The following NPHP4 variants were observed in gnomAD, a reference collection of about 807,000 sequenced individuals.
NPHP4 encodes the protein nephrocystin-4.
NPHP4 carries 151 observed loss-of-function variants against 155.8 expected under a neutral mutation model. The observed-to-expected ratio is 0.97, with a 90% CI of 0.85 to 1.11. The LOEUF (loss-of-function observed/expected upper bound fraction) is 1.11. NPHP4 is among the 50% of genes least tolerant of loss of function. The pLI, the probability that NPHP4 is intolerant of heterozygous loss-of-function variation, is 0.00. For missense variants in NPHP4, 1,956 were observed against 1,925.7 expected (o/e 1.02, Z -0.29); for synonymous variants, 845 against 816.8 (o/e 1.03, Z -0.59).
rs79010728 is a variant in NPHP4, at chr1:5,925,447, T to G, written c.1441+2202A>C. On this transcript the variant is annotated intron_variant, in intron 11 of 29. Coordinates refer to ENST00000378156, the MANE Select transcript of NPHP4 (RefSeq NM_015102.5). ...GGGATAACTCTAATCATGTTTGTAT[T>G]TAATTACAAAATATACCCAATTTAT... is the stretch of plus-strand genomic sequence containing the variant. Among the ~76,000 whole-genome samples, 56 of 152,320 alleles carry G rather than the reference T, an allele frequency of 3.7e-4. 2 individuals carry two copies. The East Asian group carries it at 0.011, about 29-fold the overall frequency.
chr1:5,869,233 GCACACA>G (rs71571877), intron 23 of NPHP4, among the ~76,000 whole-genome samples: 12 of 92,790 alleles, frequency 1.3e-4, no homozygotes, highest in East Asian at 3.2e-4. Flanking sequence ...CCACCCACAT[GCACACA>G]CACACACACA....
chr1:5,959,936 C>T (rs906147914), intron 6 of NPHP4, among the ~76,000 whole-genome samples: 8 of 151,978 alleles, frequency 5.3e-5, no homozygotes, highest in South Asian at 2.1e-4. Context: ...ATCAACCAGG[C>T]GGCAACTCAC....
chr1:5,904,357 T>C (rs1338318299), intron 16 of NPHP4, among the ~76,000 whole-genome samples: 1 of 152,252 alleles, frequency 6.6e-6, no homozygotes, highest in African/African-American at 2.4e-5. Flanking sequence ...TTTTTAGATA[T>C]ACATAAGGAA....
At chr1:5,869,248 C>G (rs1292053711) in intron 23 of NPHP4, among the ~76,000 whole-genome samples, 1 of 151,612 alleles carries the variant, frequency 6.6e-6, no homozygotes, top group Admixed American at 6.6e-5. Flanking sequence ...CACACACACA[C>G]ACACATGCAC....
At chr1:5,887,188 G>T in intron 18 of NPHP4, 98 bp downstream of exon 18, 2 of 1,170,352 alleles carry the variant, frequency 1.7e-6, no homozygotes, top group Non-Finnish European at 1.2e-6. Flanking sequence ...TCCTGGGCCC[G>T]TGAAGCCCAT....
intron 26 of NPHP4, 96 bp downstream of exon 26, chr1:5,866,277 A>C: frequency 1.2e-6 from 1 of 829,296 alleles, no homozygotes; most frequent in Non-Finnish European, 2.1e-6. Context: ...AATTTTAGGA[A>C]GGGGCCAAGC....
intron 10 of NPHP4, among the ~76,000 whole-genome samples, chr1:5,929,522 C>T (rs1350595853): frequency 6.6e-6 from 1 of 152,122 alleles, no homozygotes; most frequent in African/African-American, 2.4e-5. Flanking sequence ...TGCTGAATAT[C>T]GTCAAATGTT....
intron 9 of NPHP4, among the ~76,000 whole-genome samples, chr1:5,937,513 T>C (rs1041997682): frequency 2.6e-5 from 4 of 152,238 alleles, no homozygotes; most frequent in Admixed American, 6.5e-5. Flanking sequence ...CTTTTCACTC[T>C]TGCCTAGGCA....
Position 5,866,412 on chromosome 1 carries a change from G to A in NPHP4, c.3605C>T (p.Pro1202Leu). Residue 1202 changes from proline (P) to leucine (L), a missense_variant, in exon 26 of 30, where the codon CCA becomes CTA. By Grantham distance (98) the Pro-to-Leu change is moderately conservative. Transcript: ENST00000378156. Reference sequence around the variant, plus strand: ...AAAGAAGTCTTTGATCTCCGGGCTTGGACCACTGGCCACCTTCAGAAATAT... The same window carrying A: ...AAAGAAGTCTTTGATCTCCGGGCTTAGACCACTGGCCACCTTCAGAAATAT... ...RDIFLKVASG[P>L]SPEIKDFFVI... 1 of 1,609,012 alleles carries A rather than the reference G, an allele frequency of 6.2e-7. No individual in the cohort carries two copies. Among genetic ancestry groups the A allele is most frequent in the Admixed American group, 1.7e-5 (1 of 59,596 alleles).
At chr1:5,900,976 C>T (rs1031651864) in intron 16 of NPHP4, among the ~76,000 whole-genome samples, 1 of 151,682 alleles carries the variant, frequency 6.6e-6, no homozygotes, top group Admixed American at 6.6e-5. Context: ...TCGAGGCTGC[C>T]ATGAGCCATA....
intron 13 of NPHP4, among the ~76,000 whole-genome samples, chr1:5,906,635 G>C (rs1200357790): frequency 6.6e-6 from 1 of 152,182 alleles, no homozygotes; most frequent in African/African-American, 2.4e-5. Context: ...GCCGACTTTG[G>C]AAACCAAACT....
chr1:5,965,952 G>T (rs1314456387), intron 5 of NPHP4, among the ~76,000 whole-genome samples: 2 of 152,108 alleles, frequency 1.3e-5, no homozygotes, highest in East Asian at 3.9e-4. Context: ...GCACGTGCAC[G>T]CTTCTCTCAT....
chr1:5,863,864 G>A lies in NPHP4; in HGVS notation c.4140+26C>T, dbSNP rs185718448. On this transcript the variant is annotated intron_variant, in intron 29 of 29. Coordinates refer to ENST00000378156, the MANE Select transcript of NPHP4 (RefSeq NM_015102.5). The stretch of plus-strand genomic sequence containing the variant: ...TTCAGGTCCCCGGGTCTTCCCCTAG[G>A]AGTCCCAGGCACAGCCCCACCACAC... 114 of 1,612,732 alleles carry A rather than the reference G, an allele frequency of 7.1e-5. No individual in the cohort carries two copies. In the African/African-American group the frequency reaches 8.7e-4, roughly 12 times the overall value.
chr1:5,956,226 G>A (rs865970724), intron 6 of NPHP4, among the ~76,000 whole-genome samples: 9 of 152,194 alleles, frequency 5.9e-5, no homozygotes, highest in Admixed American at 3.3e-4. Flanking sequence ...ATCTGGGAGG[G>A]GGCAGAAGTC....
intron 2 of NPHP4, among the ~76,000 whole-genome samples, chr1:5,984,589 T>C (rs552046813): frequency 6.6e-6 from 1 of 152,234 alleles, no homozygotes; most frequent in South Asian, 2.1e-4. Flanking sequence ...ATTTGCATTT[T>C]AAAAAGGAAA....
At chr1:5,964,818 G>A (rs1651039367) in intron 5 of NPHP4, among the ~76,000 whole-genome samples, 3 of 148,684 alleles carry the variant, frequency 2.0e-5, no homozygotes, top group African/African-American at 7.5e-5. Context: ...AGGGGATGGG[G>A]AAAGGAGACC....
Position 5,864,341 on chromosome 1 carries a change from G to A in NPHP4, c.3993C>T (p.Ser1331=). 6.2e-7 allele frequency: 1 copy of A among 1,606,142 alleles called. No individual in the cohort carries two copies. The highest frequency in any genetic ancestry group is 1.3e-5 in the African/African-American group (1 of 74,902). ...TGTGCCTGCCACACATACAGACCTT[G>A]GAGATGAGCGGCTGGCGGCAGCAGA... The part of the protein sequence containing the change: ...VCLCCRQPLI[S]KAFEIMLAAG... The change falls in exon 28 of 30, where the codon TCC becomes TCT. Residue 1331 remains serine, a synonymous_variant. Coordinates refer to ENST00000378156, the MANE Select transcript of NPHP4 (RefSeq NM_015102.5).
rs1156480164 is a variant in NPHP4 at position 5,880,396 on chromosome 1, G to C, written c.2486-157C>G. On this transcript the variant is annotated intron_variant, in intron 18 of 29. Coordinates refer to ENST00000378156, the MANE Select transcript of NPHP4 (RefSeq NM_015102.5). The stretch of plus-strand genomic sequence containing the variant: ...CCTCTGTTTTGAATGTTTTGCAATT[G>C]AGAGACAGGTGGGAGCTCGTTCTGC... 4 of 703,230 alleles carry C rather than the reference G, an allele frequency of 5.7e-6. No homozygotes were observed. The East Asian group carries it at 1.1e-4, about 19-fold the overall frequency. 43.6% of individuals were successfully genotyped at this position (703,230 alleles called of 1,614,324 possible).
chr1:5,874,440 T>C lies in NPHP4; in HGVS notation c.3231+31A>G, dbSNP rs905467. Reference sequence around the variant, plus strand: ...CAATTTCCCACCGTCATCAGCCAAATGCAACTTCCCTGTGTGCCTGACACC... The same window carrying C: ...CAATTTCCCACCGTCATCAGCCAAACGCAACTTCCCTGTGTGCCTGACACC... On this transcript the variant is annotated intron_variant, in intron 22 of 29. Coordinates refer to ENST00000378156, the MANE Select transcript of NPHP4 (RefSeq NM_015102.5). The C allele has an allele frequency of 0.24, 364,017 of 1,486,024 alleles. 47,350 individuals carry two copies. Among genetic ancestry groups the C allele is most frequent in the East Asian group, 0.42 (16,989 of 40,150 alleles). 92.1% of individuals were successfully genotyped at this position (1,486,024 alleles called of 1,614,324 possible). A position where few individuals can be genotyped will look rare whatever the true frequency, so the allele number is the denominator to read the frequency against.
Sources: allele counts gnomAD v4.1 joint callset (sites outside exome capture counted in the v4.1 genomes callset), GRCh38; gene constraint gnomAD v4.1.1; transcripts MANE v1.5; gene names NCBI Gene and HGNC (gene_info 2026-07-23, HGNC 2026-07-21).